MYRF: variants seen among roughly 807,000 people sequenced by gnomAD.
MYRF encodes the protein myelin regulatory factor.
In MYRF, 16 loss-of-function variants were observed where a neutral mutation model predicts 126.3. The ratio of observed to expected loss-of-function variants is 0.13; its 90% CI spans 0.09 to 0.19. The LOEUF (loss-of-function observed/expected upper bound fraction) is 0.19. Among genes scored for constraint, MYRF ranks in the 10% least tolerant of loss-of-function variants. MYRF has a pLI of 1.00. For missense variants in MYRF, 1,104 were observed against 1,547.0 expected (o/e 0.71, Z 4.80); for synonymous variants, 608 against 635.3 (o/e 0.96, Z 0.65).
At chr11:61,773,694 G>T (rs140855930) in intron 7 of MYRF, among the ~76,000 whole-genome samples, 1 of 152,156 alleles carries the variant, frequency 6.6e-6, no homozygotes, top group East Asian at 1.9e-4. Context: ...TGGGCCTCAG[G>T]GTCTGGCCCT....
intron 25 of MYRF, 62 bp downstream of exon 25, chr11:61,784,447 T>C: frequency 7.1e-7 from 1 of 1,417,546 alleles, no homozygotes. Flanking sequence ...CTGGCACAAC[T>C]GGGCCCCAAA....
chr11:61,777,223 T>C lies in MYRF; in HGVS notation c.1591-41T>C. The C allele has an allele frequency of 6.3e-7, 1 of 1,587,680 alleles. No individual in the cohort carries two copies. The highest frequency in any genetic ancestry group is 1.3e-5 in the African/African-American group (1 of 74,588). Reference sequence around the variant, plus strand: ...TGCTCCCAGGGCCCTGCAGGTCCCCTCCCTATCCCCCAGGACTGATCCAGC... The same window carrying C: ...TGCTCCCAGGGCCCTGCAGGTCCCCCCCCTATCCCCCAGGACTGATCCAGC... On this transcript the variant is annotated intron_variant, in intron 11 of 26. Transcript: ENST00000278836. This position sits in a 1 kb window ranked among gnomAD's most constrained non-coding sequence, Gnocchi z 8.8.
rs752119624 is a variant in MYRF at position 61,780,797 on chromosome 11, G to A, written c.2486+5G>A. The A allele has an allele frequency of 3.2e-6, 5 of 1,545,240 alleles. No homozygotes were observed. Among genetic ancestry groups the A allele is most frequent in the Non-Finnish European group, 4.4e-6 (5 of 1,148,266 alleles). ...GAGTGAGGCCTTGTGCCCATGGTAC[G>A]TGCTGACCAGCGCCCCTCTCCTCTG... On this transcript the variant is annotated splice_donor_5th_base_variant and intron_variant, in intron 19 of 26. Transcript: ENST00000278836.
chr11:61,774,283 G>A, intron 8 of MYRF, 121 bp downstream of exon 8: 4 of 917,186 alleles, frequency 4.4e-6, no homozygotes, highest in Non-Finnish European at 3.2e-6. Flanking sequence ...CCAGCACTTT[G>A]GGAGTCAGGC....
intron 3 of MYRF, among the ~76,000 whole-genome samples, chr11:61,767,842 G>C (rs2066108301): frequency 6.8e-6 from 1 of 146,418 alleles, no homozygotes; most frequent in South Asian, 2.2e-4. Flanking sequence ...AAAAGGCCAG[G>C]TGCGGTGGCT....
Position 61,777,696 on chromosome 11 carries a change from C to T in MYRF, c.1792-38C>T. The T allele has an allele frequency of 2.0e-6, 3 of 1,532,328 alleles. No homozygotes were observed. The highest frequency in any genetic ancestry group is 2.7e-6 in the Non-Finnish European group (3 of 1,131,266). The allele number at this position is 1,532,328 out of a possible 1,614,324, so 94.9% of individuals were successfully genotyped here. ...GCTCCGGGGCCTGCTCCGGGACGGC[C>T]GCAGGAGGGGTTCATTCCCGGGCCT... On this transcript the variant is annotated intron_variant, in intron 12 of 26. Coordinates refer to ENST00000278836, the MANE Select transcript of MYRF (RefSeq NM_001127392.3). This position sits in a 1 kb window ranked among gnomAD's most constrained non-coding sequence, Gnocchi z 8.8.
chr11:61,771,704 C>G lies in MYRF; in HGVS notation c.945C>G (p.Ala315=). ...CTGGTTCCTTGCCTCTCAGCATTGC[C>G]CGTGTCCAGACACCGCCTTGGCACC... ...PGPGSLPLSI[A]RVQTPPWHPP... Residue 315 remains alanine (A), a synonymous_variant, in exon 6 of 27, where the codon GCC becomes GCG. Transcript: ENST00000278836. The G allele has an allele frequency of 6.2e-7, 1 of 1,613,642 alleles. No individual in the cohort carries two copies. The highest frequency in any genetic ancestry group is 8.5e-7 in the Non-Finnish European group (1 of 1,179,850).
chr11:61,764,107 G>T (rs1244643472), intron 1 of MYRF, among the ~76,000 whole-genome samples: 1 of 152,222 alleles, frequency 6.6e-6, no homozygotes, highest in African/African-American at 2.4e-5. Flanking sequence ...GGTGTCCCTT[G>T]TTCCTAGCTG....
intron 1 of MYRF, among the ~76,000 whole-genome samples, chr11:61,753,708 T>C (rs2065669445): frequency 6.6e-6 from 1 of 151,962 alleles, no homozygotes; most frequent in South Asian, 2.1e-4. Flanking sequence ...CATAATATCT[T>C]CTTCTGCCCC....
rs1041708133 is a variant in MYRF at position 61,777,562 on chromosome 11, G to C, written c.1791+98G>C. The C allele has an allele frequency of 1.2e-5, 18 of 1,441,032 alleles. No homozygotes were observed. Among genetic ancestry groups the C allele is most frequent in the South Asian group, 6.5e-5 (5 of 77,186 alleles). 89.3% of individuals were successfully genotyped at this position (1,441,032 alleles called of 1,614,324 possible). ...GGGGGCGTGACTACGCGGAAAGGCG[G>C]AGCTGCGGGGGAAGGAAGGGAGGGA... On this transcript the variant is annotated intron_variant, in intron 12 of 26. Transcript: ENST00000278836. This position sits in a 1 kb window ranked among gnomAD's most constrained non-coding sequence, Gnocchi z 8.8.
rs1286035480 is a variant in MYRF at position 61,786,859 on chromosome 11, G to T, written c.*716G>T. 6.5e-6 allele frequency: 1 copy of T among 152,884 alleles called. No individual in the cohort carries two copies. Among genetic ancestry groups the T allele is most frequent in the East Asian group, 1.9e-4 (1 of 5,304 alleles). The allele number at this position is 152,884 out of a possible 1,614,324, so 9.5% of individuals were successfully genotyped here. A position where few individuals can be genotyped will look rare whatever the true frequency, so the allele number is the denominator to read the frequency against. Reference sequence around the variant, plus strand: ...TTAAGTCTACTCAGTGCCTGGTGAAGCCACCCTCAGCCCTTCACAGGCCTG... The same window carrying T: ...TTAAGTCTACTCAGTGCCTGGTGAATCCACCCTCAGCCCTTCACAGGCCTG... On this transcript the variant is annotated 3_prime_UTR_variant, in exon 27 of 27. Transcript: ENST00000278836. This position sits in a 1 kb window ranked among gnomAD's most constrained non-coding sequence, Gnocchi z 4.5.
chr11:61,760,506 A>G (rs1457325047), intron 1 of MYRF, among the ~76,000 whole-genome samples: 1 of 152,230 alleles, frequency 6.6e-6, no homozygotes, highest in Non-Finnish European at 1.5e-5. Flanking sequence ...TAAGAATAGC[A>G]GCAGAGTGCT....
intron 1 of MYRF, among the ~76,000 whole-genome samples, chr11:61,765,237 T>C (rs962046025): frequency 7.9e-5 from 12 of 152,200 alleles, no homozygotes; most frequent in African/African-American, 2.9e-4. Flanking sequence ...AGTAAGCACC[T>C]CATTTGTGCC....
chr11:61,780,938 T>C, intron 19 of MYRF, 22 bp from the exon 20 acceptor site: 1 of 1,608,452 alleles, frequency 6.2e-7, no homozygotes, highest in Non-Finnish European at 8.5e-7. Flanking sequence ...CCCTCTGAGC[T>C]CAGCCCATCC....
chr11:61,782,927 GGCA>G (rs1292808283), intron 22 of MYRF: 2 of 152,574 alleles, frequency 1.3e-5, no homozygotes, highest in African/African-American at 4.8e-5. Flanking sequence ...TGGATAGTCA[GGCA>G]GCAGCAAGAC....
chr11:61,769,814 G>A (rs1219755677), intron 4 of MYRF, among the ~76,000 whole-genome samples: 3 of 152,116 alleles, frequency 2.0e-5, no homozygotes, highest in African/African-American at 4.8e-5. Flanking sequence ...GGGCCTCCCC[G>A]CTCAGGCTGG....
intron 5 of MYRF, among the ~76,000 whole-genome samples, chr11:61,771,118 A>C (rs1179294572): frequency 6.6e-6 from 1 of 152,194 alleles, no homozygotes; most frequent in African/African-American, 2.4e-5. Context: ...TTCTGATCAC[A>C]GGGCCTGCTC....
At chr11:61,764,160 C>T (rs1015189750) in intron 1 of MYRF, among the ~76,000 whole-genome samples, 4 of 152,108 alleles carry the variant, frequency 2.6e-5, no homozygotes, top group Admixed American at 6.5e-5. Context: ...CCTGGCCTGT[C>T]GCAGGCAGCG....
chr11:61,779,756 C>T, intron 16 of MYRF, 86 bp from the exon 17 acceptor site: 4 of 1,358,522 alleles, frequency 2.9e-6, no homozygotes, highest in Non-Finnish European at 4.1e-6. Context: ...ACCCCCTTAA[C>T]CGCTCCTCCG....
Sources: gnomAD v4.1 joint callset for allele counts (sites outside exome capture counted in the v4.1 genomes callset) on GRCh38, gnomAD v4.1.1 for gene constraint, Gnocchi (gnomAD v3.1) non-coding constraint, MANE v1.5 for transcripts, NCBI Gene and HGNC (gene_info 2026-07-23, HGNC 2026-07-21) for gene names.